The following SUMF1 variants were observed in gnomAD, a reference collection of about 807,000 sequenced individuals.
SUMF1 encodes the protein sulfatase modifying factor 1, also known as formylglycine-generating enzyme.
Under a neutral mutation model 47.6 loss-of-function variants are expected in SUMF1, and 48 were observed. That is an observed-to-expected ratio of 1.01 (90% CI 0.80 to 1.28). The LOEUF is 1.28. Among genes scored for constraint, SUMF1 ranks in the 50% most tolerant of loss-of-function variants. The pLI, the probability that SUMF1 is intolerant of heterozygous loss-of-function variation, is 0.00. For missense variants in SUMF1, 571 were observed against 485.4 expected (o/e 1.18, Z -1.66); for synonymous variants, 230 against 192.1 (o/e 1.20, Z -1.63).
Position 4,420,115 on chromosome 3 carries a change from T to G in SUMF1, c.551A>C (p.Lys184Thr). The G allele has an allele frequency of 6.2e-7, 1 of 1,614,062 alleles. No homozygotes were observed. Among genetic ancestry groups the G allele is most frequent in the Non-Finnish European group, 8.5e-7 (1 of 1,180,004 alleles). The change falls in exon 4 of 9, where the codon AAA becomes ACA. Residue 184 changes from lysine (K) to threonine (T), a missense_variant. Coordinates refer to ENST00000272902, the MANE Select transcript of SUMF1 (RefSeq NM_182760.4). ...VAAAPWWLPVKGANWRHPEGP... is the reference protein window; with the variant it reads ...VAAAPWWLPVTGANWRHPEGP... ...TTCTGGGTGTCTCCAGTTAGCGCCT[T>G]TCACAGGTAACCACCAGGGAGCAGC...
At chr3:4,329,182 G>A (rs532937650) in intron 8 of SUMF1, among the ~76,000 whole-genome samples, 1 of 152,126 alleles carries the variant, frequency 6.6e-6, no homozygotes, top group Non-Finnish European at 1.5e-5. Flanking sequence ...GCAAGCTGTT[G>A]GTGGATCTAC....
At chr3:4,399,537 C>T (rs1286919399) in intron 7 of SUMF1, among the ~76,000 whole-genome samples, 1 of 152,184 alleles carries the variant, frequency 6.6e-6, no homozygotes, top group African/African-American at 2.4e-5. Flanking sequence ...AGTGATGAGA[C>T]AGAGCCCTAT....
chr3:4,292,855 CAT>C (rs1697766991), intron 8 of SUMF1, among the ~76,000 whole-genome samples: 1 of 152,154 alleles, frequency 6.6e-6, no homozygotes, highest in Non-Finnish European at 1.5e-5. Context: ...AAAAGACACA[CAT>C]ATTTCATCTG....
At chr3:4,095,436 G>A (rs1350939060) in intron 8 of SUMF1, among the ~76,000 whole-genome samples, 1 of 152,034 alleles carries the variant, frequency 6.6e-6, no homozygotes, top group African/African-American at 2.4e-5. Context: ...ATTGATGATA[G>A]AATCCCTAAT....
chr3:4,298,778 AC>A (rs1697908817), intron 8 of SUMF1, among the ~76,000 whole-genome samples: 2 of 152,226 alleles, frequency 1.3e-5, no homozygotes, highest in Non-Finnish European at 2.9e-5. Flanking sequence ...CAGTGGTCAA[AC>A]TTTTCTTAAA....
chr3:4,369,206 C>T (rs1245165470), intron 8 of SUMF1, among the ~76,000 whole-genome samples: 1 of 152,102 alleles, frequency 6.6e-6, no homozygotes, highest in African/African-American at 2.4e-5. Flanking sequence ...GAAATGATAG[C>T]AACCAATTTT....
chr3:4,406,029 T>A (rs369712692), intron 7 of SUMF1, among the ~76,000 whole-genome samples: 21 of 152,304 alleles, frequency 1.4e-4, no homozygotes, highest in African/African-American at 5.1e-4. Context: ...CTTCTTTTTT[T>A]CTTTTTTCCC....
intron 8 of SUMF1, among the ~76,000 whole-genome samples, chr3:4,315,477 A>G (rs1698599142): frequency 6.6e-6 from 1 of 152,166 alleles, no homozygotes; most frequent in African/African-American, 2.4e-5. Flanking sequence ...TCTGCCAGAG[A>G]CAACTGACTG....
At chr3:4,103,911 T>C (rs1314039865) in intron 8 of SUMF1, among the ~76,000 whole-genome samples, 2 of 152,154 alleles carry the variant, frequency 1.3e-5, no homozygotes, top group Non-Finnish European at 2.9e-5. Flanking sequence ...CACACATTTT[T>C]CATTTTGATG....
intron 3 of SUMF1, among the ~76,000 whole-genome samples, chr3:4,442,350 G>A (rs1215664440): frequency 6.8e-6 from 1 of 147,358 alleles, no homozygotes; most frequent in East Asian, 2.0e-4. Context: ...CCGCCTCCCG[G>A]GTTCACGCCA....
At chr3:4,194,298 C>G (rs940542576) in intron 8 of SUMF1, among the ~76,000 whole-genome samples, 5 of 152,114 alleles carry the variant, frequency 3.3e-5, no homozygotes, top group African/African-American at 7.2e-5. Context: ...TTTGGGTGCT[C>G]TCTCATGAAC....
chr3:4,215,666 T>C (rs1366044244), intron 8 of SUMF1, among the ~76,000 whole-genome samples: 2 of 152,138 alleles, frequency 1.3e-5, no homozygotes, highest in Admixed American at 6.5e-5. Context: ...GCCCAAAATC[T>C]CCTTAAGCTG....
At chr3:4,088,444 C>T (rs902690107) in intron 8 of SUMF1, among the ~76,000 whole-genome samples, 1 of 151,994 alleles carries the variant, frequency 6.6e-6, no homozygotes, top group Non-Finnish European at 1.5e-5. Flanking sequence ...TGTCTTTATG[C>T]AAACATCATC....
intron 8 of SUMF1, among the ~76,000 whole-genome samples, chr3:4,078,286 G>C (rs529567141): frequency 2.0e-5 from 3 of 150,140 alleles, no homozygotes; most frequent in South Asian, 2.1e-4. Flanking sequence ...ATACTGGCTG[G>C]TGTGTTACCA....
intron 8 of SUMF1, among the ~76,000 whole-genome samples, chr3:4,238,887 C>A (rs929781683): frequency 6.6e-6 from 1 of 152,128 alleles, no homozygotes; most frequent in African/African-American, 2.4e-5. Context: ...AGGTTTTCTT[C>A]CAGGGCTTTT....
At chr3:4,303,549 C>G in intron 8 of SUMF1, 1 of 1,345,950 alleles carries the variant, frequency 7.4e-7, no homozygotes, top group Non-Finnish European at 9.5e-7. Context: ...CCAGGCGGCG[C>G]GGGAGGCGGG....
chr3:4,137,587 G>A (rs1693969069), intron 8 of SUMF1, among the ~76,000 whole-genome samples: 1 of 152,038 alleles, frequency 6.6e-6, no homozygotes, highest in African/African-American at 2.4e-5. Context: ...AAACCTGCAC[G>A]TTGTGCACAT....
chr3:4,408,275 A>C (rs995227171), intron 7 of SUMF1, among the ~76,000 whole-genome samples: 6 of 152,214 alleles, frequency 3.9e-5, no homozygotes, highest in African/African-American at 1.4e-4. Flanking sequence ...GAGCACCTTA[A>C]ATAAAACATA....
intron 1 of SUMF1, among the ~76,000 whole-genome samples, chr3:4,463,649 G>A (rs1198915937): frequency 2.0e-5 from 3 of 152,160 alleles, no homozygotes; most frequent in Non-Finnish European, 2.9e-5. Context: ...GACGGCATTC[G>A]ATTGTGCCTC....
Sources: allele counts gnomAD v4.1 joint callset (sites outside exome capture counted in the v4.1 genomes callset), GRCh38; gene constraint gnomAD v4.1.1; transcripts MANE v1.5; gene names NCBI Gene and HGNC (gene_info 2026-07-23, HGNC 2026-07-21).